Variants in MAPT observed in about 807,000 individuals in gnomAD.
The protein encoded by MAPT is microtubule-associated protein tau.
MAPT carries 34 observed loss-of-function variants against 67.9 expected under a neutral mutation model. The ratio of observed to expected loss-of-function variants is 0.50; its 90% CI spans 0.38 to 0.67. MAPT has a LOEUF of 0.67. Ranked by LOEUF, MAPT falls within the 30% of genes least tolerant of loss-of-function variation. The pLI is 0.00. For missense variants in MAPT, 881 were observed against 1,115.2 expected, an observed-to-expected ratio of 0.79 and a Z score of 2.99; for synonymous variants, 456 against 464.5, an observed-to-expected ratio of 0.98 and a Z score of 0.23.
At chr17:45,901,339 G>A (rs1597824505) in intron 1 of MAPT, among the ~76,000 whole-genome samples, 1 of 152,192 alleles carries the variant, frequency 6.6e-6, no homozygotes, top group Admixed American at 6.5e-5. Flanking sequence ...CAGTTTACTC[G>A]TTGAATAAAA....
rs1412261704 is a variant in MAPT at position 45,915,918 on chromosome 17, G to A, written c.-18+21232G>A. 6.6e-6 allele frequency among the ~76,000 whole-genome samples: 1 copy of A among 152,174 alleles called. No homozygotes were observed. Among genetic ancestry groups the A allele is most frequent in the African/African-American group, 2.4e-5 (1 of 41,438 alleles). ...CCAGAACACTCTCTTTTCTCTTAGT[G>A]CTTTCACCCAGATGACCACATTTCA... On this transcript the variant is annotated intron_variant, in intron 1 of 12. Coordinates refer to ENST00000262410, the MANE Select transcript of MAPT (RefSeq NM_001377265.1). The surrounding 1 kb of genome is among the most constrained non-coding windows in gnomAD (Gnocchi z 4.4).
chr17:45,993,134 C>T (rs2074206256), intron 8 of MAPT, among the ~76,000 whole-genome samples: 1 of 152,206 alleles, frequency 6.6e-6, no homozygotes, highest in Non-Finnish European at 1.5e-5. Flanking sequence ...CTCTGCTTCT[C>T]CCTGGCCTGA....
intron 1 of MAPT, among the ~76,000 whole-genome samples, chr17:45,954,876 C>T (rs1181926035): frequency 6.6e-6 from 1 of 151,758 alleles, no homozygotes; most frequent in Non-Finnish European, 1.5e-5. Context: ...CCCAGCTACT[C>T]GGGAGGCTGA....
chr17:45,932,515 GA>G (rs2066930904), intron 1 of MAPT, among the ~76,000 whole-genome samples: 1 of 147,138 alleles, frequency 6.8e-6, no homozygotes, highest in African/African-American at 2.5e-5. Flanking sequence ...GCTTGCACCT[GA>G]GAGGTGGAGG....
chr17:45,926,234 C>A (rs1177336383), intron 1 of MAPT, among the ~76,000 whole-genome samples: 2 of 150,384 alleles, frequency 1.3e-5, no homozygotes, highest in East Asian at 1.9e-4. Flanking sequence ...AAAGAAAAGC[C>A]TTTTTAAACA....
intron 8 of MAPT, among the ~76,000 whole-genome samples, chr17:45,992,744 A>C (rs1260440320): frequency 6.6e-6 from 1 of 151,734 alleles, no homozygotes; most frequent in Non-Finnish European, 1.5e-5. Flanking sequence ...CAAAATAATT[A>C]GCTGGGCGTG....
chr17:45,933,876 T>G (rs896248994), intron 1 of MAPT, among the ~76,000 whole-genome samples: 2 of 151,822 alleles, frequency 1.3e-5, no homozygotes, highest in Non-Finnish European at 2.9e-5. Context: ...CATTTACTTT[T>G]AAAAAATAAC....
chr17:45,965,256 C>T (rs1344230531), intron 2 of MAPT, among the ~76,000 whole-genome samples: 3 of 151,870 alleles, frequency 2.0e-5, no homozygotes, highest in Non-Finnish European at 4.4e-5. Context: ...ATGGTGAAAC[C>T]TCGTCTCTAC....
At chr17:45,912,955 C>G (rs1408536963) in intron 1 of MAPT, among the ~76,000 whole-genome samples, 1 of 152,198 alleles carries the variant, frequency 6.6e-6, no homozygotes, top group Non-Finnish European at 1.5e-5. Context: ...AGAGGGCAGT[C>G]AGACAGTTGT....
chr17:45,967,505 G>C (rs1363275912), intron 2 of MAPT, among the ~76,000 whole-genome samples: 1 of 152,192 alleles, frequency 6.6e-6, no homozygotes, highest in Non-Finnish European at 1.5e-5. Context: ...TTTTGCAAAA[G>C]CTCCAGGACC....
intron 1 of MAPT, among the ~76,000 whole-genome samples, chr17:45,942,113 C>G (rs62062768): frequency 0.14 from 21,727 of 152,186 alleles, 2,132 homozygotes; most frequent in Non-Finnish European, 0.22. Context: ...AATGTAGACA[C>G]TAATAAGGGA....
intron 1 of MAPT, among the ~76,000 whole-genome samples, chr17:45,940,401 G>A (rs2067747736): frequency 6.6e-6 from 1 of 152,204 alleles, no homozygotes; most frequent in African/African-American, 2.4e-5. Flanking sequence ...GTCCTCATCT[G>A]TGAGTTGGGG....
At chr17:46,020,322 G>A (rs963820394) in intron 12 of MAPT, among the ~76,000 whole-genome samples, 7 of 152,114 alleles carry the variant, frequency 4.6e-5, no homozygotes, top group African/African-American at 1.4e-4. Context: ...TGTGTGTGGC[G>A]CTGGGTGAGC....
intron 9 of MAPT, among the ~76,000 whole-genome samples, chr17:45,998,622 T>C (rs1374341053): frequency 6.6e-6 from 1 of 152,170 alleles, no homozygotes; most frequent in Non-Finnish European, 1.5e-5. Context: ...GAGCTTGTAG[T>C]GGAAGAGGCT....
chr17:45,924,318 G>A (rs1247925114), intron 1 of MAPT, among the ~76,000 whole-genome samples: 1 of 152,188 alleles, frequency 6.6e-6, no homozygotes, highest in African/African-American at 2.4e-5. Flanking sequence ...TGCGCTTTAA[G>A]TCACCTGTCA....
At chr17:45,984,527 G>T (rs2435209) in intron 5 of MAPT, among the ~76,000 whole-genome samples, 43,634 of 152,050 alleles carry the variant, frequency 0.29, 6,297 homozygotes, top group Middle Eastern at 0.34. Flanking sequence ...GGCACACACA[G>T]CAGGTGACAC....
In MAPT at chr17:45,943,473, A is replaced by G. The variant is rs148977531; in HGVS notation, c.-17-18848A>G. ...ACTGCTGATTTCCAACAGAATTGCC[A>G]TCCTCTTCTCCCCTGCGACTTTCAG... is the stretch of plus-strand genomic sequence containing the variant. On this transcript the variant is annotated intron_variant, in intron 1 of 12. Coordinates refer to ENST00000262410, the MANE Select transcript of MAPT (RefSeq NM_001377265.1). Among the ~76,000 whole-genome samples the G allele has an allele frequency of 5.9e-5, 9 of 152,304 alleles. No homozygotes were observed. In the East Asian group the frequency reaches 1.7e-3, roughly 29 times the overall value.
intron 1 of MAPT, among the ~76,000 whole-genome samples, chr17:45,943,649 G>A (rs1252332292): frequency 1.3e-5 from 2 of 152,032 alleles, no homozygotes; most frequent in African/African-American, 2.4e-5. Flanking sequence ...GTCATTTTCT[G>A]TGGCCTTTCA....
rs118149575 is a variant in MAPT at position 45,947,471 on chromosome 17, A to C, written c.-17-14850A>C. ...TGATCTCGGCTCACTGCATGCAACC[A>C]CCACCTCCCGGGTTTAAGCAATTCT... On this transcript the variant is annotated intron_variant, in intron 1 of 12. Coordinates refer to ENST00000262410, the MANE Select transcript of MAPT (RefSeq NM_001377265.1). Among the ~76,000 whole-genome samples, 801 of 143,712 alleles carry C rather than the reference A, an allele frequency of 5.6e-3. 19 individuals carry two copies. In the East Asian group the frequency reaches 0.08, roughly 14 times the overall value. 94.3% of individuals were successfully genotyped at this position (143,712 alleles called of 152,430 possible).
Sources: allele counts gnomAD v4.1 joint callset (sites outside exome capture counted in the v4.1 genomes callset), GRCh38; gene constraint gnomAD v4.1.1; non-coding constraint Gnocchi (gnomAD v3.1); transcripts MANE v1.5; gene names NCBI Gene and HGNC (gene_info 2026-07-23, HGNC 2026-07-21).